Variants in FER1L6 observed in about 807,000 individuals in gnomAD.
FER1L6 encodes the protein fer-1 like family member 6.
In FER1L6, 177 loss-of-function variants were observed where a neutral mutation model predicts 219.2. That is an observed-to-expected ratio of 0.81 (90% CI 0.71 to 0.91). The LOEUF is 0.91. FER1L6 is among the 40% of genes least tolerant of loss of function. The probability of loss-of-function intolerance (pLI) is 0.00; values close to 1 mark genes in which losing one functional copy is unlikely to be tolerated. For missense variants in FER1L6, 2,153 were observed against 2,259.9 expected, an observed-to-expected ratio of 0.95 and a Z score of 0.96; for synonymous variants, 768 against 824.3, an observed-to-expected ratio of 0.93 and a Z score of 1.17.
chr8:123,864,419 C>T (rs1816795729), intron 1 of FER1L6, among the ~76,000 whole-genome samples: 1 of 150,368 alleles, frequency 6.7e-6, no homozygotes, highest in Non-Finnish European at 1.5e-5. Flanking sequence ...ACATTTTTTC[C>T]TTCATTTCAA....
Position 123,980,802 on chromosome 8 carries a change from C to T in FER1L6, c.1401C>T (p.Val467=), listed in dbSNP as rs1337426610. ...STEVEVESFD[V]PPEIVPEKNE... The stretch of plus-strand genomic sequence containing the variant: ...AGGTGGAGGTGGAATCGTTCGATGT[C>T]CCCCCGGAGGTAGGTCTAGGCACTG... Residue 467 remains valine, a synonymous_variant, in exon 11 of 41, where the codon GTC becomes GTT. Coordinates refer to ENST00000522917, the MANE Select transcript of FER1L6 (RefSeq NM_001039112.2). The T allele has an allele frequency of 1.8e-5, 29 of 1,612,260 alleles. No homozygotes were observed. Among genetic ancestry groups the T allele is most frequent in the Middle Eastern group, 1.6e-4 (1 of 6,070 alleles).
chr8:123,950,247 C>T (rs1814697061), intron 1 of FER1L6, among the ~76,000 whole-genome samples: 1 of 152,126 alleles, frequency 6.6e-6, no homozygotes, highest in African/African-American at 2.4e-5. Context: ...GTGTGATGTG[C>T]TGATGCTTAG....
chr8:124,072,366 C>T (rs1295748726), intron 31 of FER1L6, among the ~76,000 whole-genome samples: 1 of 152,182 alleles, frequency 6.6e-6, no homozygotes, highest in Non-Finnish European at 1.5e-5. Flanking sequence ...AACTTTTCGG[C>T]CTCATTAGCA....
intron 39 of FER1L6, among the ~76,000 whole-genome samples, chr8:124,114,944 T>C (rs1823182996): frequency 7.3e-6 from 1 of 137,520 alleles, no homozygotes; most frequent in Non-Finnish European, 1.6e-5. Flanking sequence ...TTCCTTTTCC[T>C]AAAAGATTTT....
In FER1L6 at chr8:124,076,334, C is replaced by G; in HGVS notation, c.4220+9C>G. On this transcript the variant is annotated intron_variant, in intron 32 of 40. Transcript: ENST00000522917. ...AACCCAGTATTTGGAAGGTCAGTGG[C>G]CATCTGGGCTGTGTTTTATTGTCCT... The G allele has an allele frequency of 6.2e-7, 1 of 1,611,168 alleles. No individual in the cohort carries two copies.
At position 123,974,087 on chromosome 8, in the gene FER1L6, C is replaced by T. The variant is rs111812487; in HGVS notation, c.526+575C>T. On this transcript the variant is annotated intron_variant, in intron 7 of 40. Coordinates refer to ENST00000522917, the MANE Select transcript of FER1L6 (RefSeq NM_001039112.2). Reference sequence around the variant, plus strand: ...AGGAAAGAGAAACTCAGAAAAGCAACGTAATTTGTTCAAGGTCAAGAGCAA... The same window carrying T: ...AGGAAAGAGAAACTCAGAAAAGCAATGTAATTTGTTCAAGGTCAAGAGCAA... Among the ~76,000 whole-genome samples, 19 of 152,248 alleles carry T rather than the reference C, an allele frequency of 1.2e-4. No homozygotes were observed. The East Asian group carries it at 2.1e-3, about 17-fold the overall frequency.
chr8:124,001,769 C>T (rs955712275), intron 12 of FER1L6, among the ~76,000 whole-genome samples: 7 of 152,166 alleles, frequency 4.6e-5, no homozygotes, highest in Non-Finnish European at 8.8e-5. Context: ...GTTTATTCCA[C>T]GACCAGTGGA....
intron 1 of FER1L6, among the ~76,000 whole-genome samples, chr8:123,881,516 T>G (rs1376493009): frequency 3.3e-5 from 5 of 152,214 alleles, no homozygotes; most frequent in Non-Finnish European, 7.3e-5. Context: ...GAGAATATTC[T>G]TTTTCCTCTA....
intron 1 of FER1L6, among the ~76,000 whole-genome samples, chr8:123,937,081 T>G (rs903006962): frequency 6.6e-6 from 1 of 152,182 alleles, no homozygotes; most frequent in Non-Finnish European, 1.5e-5. Context: ...AATTTTTGTA[T>G]TTTTAGTAGA....
intron 32 of FER1L6, among the ~76,000 whole-genome samples, chr8:124,076,678 T>C (rs542780648): frequency 6.6e-6 from 1 of 152,306 alleles, no homozygotes; most frequent in East Asian, 1.9e-4. Flanking sequence ...TCTTGCAGGG[T>C]CATTGGATTC....
chr8:124,054,997 C>A (rs938969847), intron 22 of FER1L6, among the ~76,000 whole-genome samples: 1 of 152,154 alleles, frequency 6.6e-6, no homozygotes, highest in Admixed American at 6.5e-5. Flanking sequence ...CACCTTTAAT[C>A]AGTGTAGCCA....
At chr8:123,949,158 G>C (rs1243339574) in intron 1 of FER1L6, among the ~76,000 whole-genome samples, 1 of 152,192 alleles carries the variant, frequency 6.6e-6, no homozygotes, top group Non-Finnish European at 1.5e-5. Flanking sequence ...GAAGTCCCAA[G>C]TAGTGTTCTT....
At chr8:124,083,582 A>T (rs533873386) in intron 33 of FER1L6, among the ~76,000 whole-genome samples, 5 of 151,846 alleles carry the variant, frequency 3.3e-5, no homozygotes, top group Non-Finnish European at 5.9e-5. Context: ...CCAAACATAG[A>T]TTTCAAGAAA....
Position 123,852,894 on chromosome 8 carries a change from A to G in FER1L6, c.-8+709A>G, listed in dbSNP as rs1816539353. Among the ~76,000 whole-genome samples, 1 of 152,116 alleles carries G rather than the reference A, an allele frequency of 6.6e-6. No individual in the cohort carries two copies. Among genetic ancestry groups the G allele is most frequent in the African/African-American group, 2.4e-5 (1 of 41,434 alleles). On this transcript the variant is annotated intron_variant, in intron 1 of 40. Transcript: ENST00000522917. This position sits in a 1 kb window ranked among gnomAD's most constrained non-coding sequence, Gnocchi z 4.9. ...GAATCCCACATTGTAATTTTTGGAG[A>G]TGGATTTTGAGGCAAATGTAATCAT...
At chr8:123,894,912 A>G (rs1812719971) in intron 1 of FER1L6, among the ~76,000 whole-genome samples, 1 of 152,214 alleles carries the variant, frequency 6.6e-6, no homozygotes, top group African/African-American at 2.4e-5. Context: ...GTGAGTCTAT[A>G]TTGATATAAA....
chr8:123,979,964 C>G (rs1773582520), intron 10 of FER1L6, among the ~76,000 whole-genome samples: 1 of 152,208 alleles, frequency 6.6e-6, no homozygotes, highest in African/African-American at 2.4e-5. Flanking sequence ...GCACATGCTC[C>G]TCCCTCTAGC....
At chr8:124,093,719 CTCTA>C (rs1822151879) in intron 34 of FER1L6, among the ~76,000 whole-genome samples, 1 of 151,392 alleles carries the variant, frequency 6.6e-6, no homozygotes, top group Non-Finnish European at 1.5e-5. Context: ...TCTTGTTTGT[CTCTA>C]TCAACTTTTA....
intron 19 of FER1L6, 63 bp downstream of exon 19, chr8:124,035,517 T>G: frequency 6.6e-7 from 1 of 1,513,766 alleles, no homozygotes; most frequent in Non-Finnish European, 8.9e-7. Flanking sequence ...GAAAAGATAA[T>G]AAGGAGGGCA....
At chr8:124,039,769 TCC>T (rs950073910) in intron 19 of FER1L6, 111 bp from the exon 20 acceptor site, 23 of 1,369,062 alleles carry the variant, frequency 1.7e-5, no homozygotes, top group Non-Finnish European at 2.1e-5. Context: ...GCTGGTGGTC[TCC>T]TTTTGTCTGT....
Sources: gnomAD v4.1 joint callset for allele counts (sites outside exome capture counted in the v4.1 genomes callset) on GRCh38, gnomAD v4.1.1 for gene constraint, Gnocchi (gnomAD v3.1) non-coding constraint, MANE v1.5 for transcripts, NCBI Gene and HGNC (gene_info 2026-07-23, HGNC 2026-07-21) for gene names.